The following NEDD9 variants were observed in gnomAD, a reference collection of about 807,000 sequenced individuals.
NEDD9 encodes the protein neural precursor cell expressed, developmentally down-regulated 9, also known as enhancer of filamentation 1.
In NEDD9, 26 loss-of-function variants were observed where a neutral mutation model predicts 76.6. That is an observed-to-expected ratio of 0.34 (90% CI 0.25 to 0.47). NEDD9 has a LOEUF of 0.47. Ranked by LOEUF, NEDD9 falls within the 20% of genes least tolerant of loss-of-function variation. The pLI is 1.00. For missense variants in NEDD9, 937 were observed against 1,058.5 expected (o/e 0.89, Z 1.59); for synonymous variants, 392 against 414.2 (o/e 0.95, Z 0.65).
At chr6:11,200,792 G>T in intron 2 of NEDD9, 2 of 1,432,750 alleles carry the variant, frequency 1.4e-6, no homozygotes, top group South Asian at 1.5e-5. Flanking sequence ...TCTGCTGTTC[G>T]TATCAGTATT....
At chr6:11,316,248 G>T (rs1483991177) in intron 2 of NEDD9, among the ~76,000 whole-genome samples, 2 of 152,114 alleles carry the variant, frequency 1.3e-5, no homozygotes, top group East Asian at 1.9e-4. Context: ...CCCCAGACAG[G>T]GTGCCCCACC....
At chr6:11,307,022 C>T (rs533769005) in intron 2 of NEDD9, among the ~76,000 whole-genome samples, 3 of 152,220 alleles carry the variant, frequency 2.0e-5, no homozygotes, top group South Asian at 4.1e-4. Context: ...TTAAACCACA[C>T]GGGGCACGTG....
At chr6:11,331,625 T>C (rs1344136791) in intron 2 of NEDD9, among the ~76,000 whole-genome samples, 1 of 152,132 alleles carries the variant, frequency 6.6e-6, no homozygotes. Flanking sequence ...TCTCATGAGA[T>C]TAGCATAGGA....
chr6:11,193,310 TAAAAAA>T (rs796698181), intron 3 of NEDD9, among the ~76,000 whole-genome samples: 19 of 136,660 alleles, frequency 1.4e-4, no homozygotes, highest in African/African-American at 5.1e-4. Context: ...GATTCTGTCT[TAAAAAA>T]AAAAAAAAGA....
At chr6:11,322,627 TCTCCTTCC>T (rs1761834733) in intron 2 of NEDD9, among the ~76,000 whole-genome samples, 1 of 152,286 alleles carries the variant, frequency 6.6e-6, no homozygotes, top group South Asian at 2.1e-4. Context: ...TTTTCTCTTT[TCTCCTTCC>T]CTCCTTCCCT....
At chr6:11,340,336 GTAA>G (rs938057254) in intron 1 of NEDD9, among the ~76,000 whole-genome samples, 6 of 152,208 alleles carry the variant, frequency 3.9e-5, no homozygotes, top group African/African-American at 1.4e-4. Flanking sequence ...ACAGGGTACA[GTAA>G]TAATCATCAG....
rs375821804 is a variant in NEDD9 at position 11,310,917 on chromosome 6, T to G, written c.-152-4762A>C. Among the ~76,000 whole-genome samples the G allele has an allele frequency of 1.5e-4, 23 of 152,286 alleles. 1 individual carries two copies. The East Asian group carries it at 3.7e-3, about 24-fold the overall frequency. On this transcript the variant is annotated intron_variant, in intron 2 of 3. Transcript: ENST00000397378. The stretch of plus-strand genomic sequence containing the variant: ...CTTCACATTTCAACTCATCCCTTTT[T>G]CCTTCCCTCATCCTTGTAACAATAA...
At chr6:11,250,309 T>C (rs1044920654) in intron 3 of NEDD9, among the ~76,000 whole-genome samples, 1 of 152,216 alleles carries the variant, frequency 6.6e-6, no homozygotes, top group Non-Finnish European at 1.5e-5. Flanking sequence ...AAAACCTAAA[T>C]CTAATTTGAC....
chr6:11,368,115 G>C (rs1373759085), intron 1 of NEDD9, among the ~76,000 whole-genome samples: 1 of 152,214 alleles, frequency 6.6e-6, no homozygotes, highest in African/African-American at 2.4e-5. Context: ...ACTGTGCGCA[G>C]TCTGGCCCTC....
chr6:11,378,921 G>A (rs987187885), intron 1 of NEDD9, among the ~76,000 whole-genome samples: 4 of 152,194 alleles, frequency 2.6e-5, no homozygotes, highest in African/African-American at 9.6e-5. Context: ...ACTTAGGGTG[G>A]AACTACCATA....
chr6:11,185,368 C>T lies in NEDD9; in HGVS notation c.2299G>A (p.Val767Met), dbSNP rs766643269. 1.9e-6 allele frequency: 3 copies of T among 1,614,072 alleles called. No individual in the cohort carries two copies. Among genetic ancestry groups the T allele is most frequent in the Non-Finnish European group, 2.5e-6 (3 of 1,180,044 alleles). Residue 767 changes from valine (V) to methionine (M), a missense_variant, in exon 7 of 7, where the codon GTG becomes ATG. Coordinates refer to ENST00000379446, the MANE Select transcript of NEDD9 (RefSeq NM_006403.4). Reference protein sequence around the residue: ...VFIGDTLTRQVTAQDIRNKVM... With the variant: ...VFIGDTLTRQMTAQDIRNKVM... ...TTGTTGCGAATGTCCTGGGCAGTCA[C>T]CTGCCGTGTCAGCGTGTCTCCAATG...
At chr6:11,316,069 A>G (rs1169531558) in intron 2 of NEDD9, among the ~76,000 whole-genome samples, 2 of 152,202 alleles carry the variant, frequency 1.3e-5, no homozygotes, top group African/African-American at 2.4e-5. Context: ...TCCTGGCAGA[A>G]GAGCATTGTT....
chr6:11,249,301 G>A (rs1384442639), intron 3 of NEDD9: 1 of 405,826 alleles, frequency 2.5e-6, no homozygotes, highest in Non-Finnish European at 4.9e-6. Flanking sequence ...AGTTTAAAAA[G>A]AAGTTAATTT....
At position 11,213,630 on chromosome 6, in the gene NEDD9, G is replaced by A. The variant is rs771908852; in HGVS notation, c.110C>T (p.Thr37Ile). The A allele has an allele frequency of 1.4e-5, 23 of 1,614,088 alleles. No homozygotes were observed. In the East Asian group the frequency reaches 4.9e-4, roughly 34 times the overall value. ...CAGCCACCATCCTTCCAGTCCCCCT[G>A]TGTTCTGCTCTATGACGGTCAGGAT... ...GDILTVIEQN[T>I]GGLEGWWLCS... The change falls in exon 2 of 7, where the codon ACA (threonine) becomes ATA (isoleucine). Residue 37 changes from threonine (T) to isoleucine (I), a missense_variant. Thr to Ile is a moderately conservative substitution (Grantham distance 89, BLOSUM62 -1). Transcript: ENST00000379446. The surrounding 1 kb of genome is among the most constrained non-coding windows in gnomAD (Gnocchi z 5.4).
intron 2 of NEDD9, among the ~76,000 whole-genome samples, chr6:11,333,909 A>G (rs953315819): frequency 3.3e-5 from 5 of 152,204 alleles, no homozygotes; most frequent in African/African-American, 1.2e-4. Context: ...CCTCCTTTTC[A>G]CAAGATGGAC....
chr6:11,218,495 A>G (rs1018275760), intron 1 of NEDD9, among the ~76,000 whole-genome samples: 1 of 152,000 alleles, frequency 6.6e-6, no homozygotes, highest in African/African-American at 2.4e-5. Flanking sequence ...CGATCATACT[A>G]TTTCTTTACA....
intron 3 of NEDD9, among the ~76,000 whole-genome samples, chr6:11,275,850 A>G (rs1358119106): frequency 6.6e-6 from 1 of 152,198 alleles, no homozygotes; most frequent in Non-Finnish European, 1.5e-5. Flanking sequence ...CATCTACTCA[A>G]ACTGGGGGAG....
intron 3 of NEDD9, among the ~76,000 whole-genome samples, chr6:11,270,255 G>A (rs577020544): frequency 1.9e-3 from 294 of 152,226 alleles, no homozygotes; most frequent in African/African-American, 6.6e-3. Context: ...AAGCTACAGT[G>A]TTCATTACCT....
intron 4 of NEDD9, among the ~76,000 whole-genome samples, chr6:11,191,796 C>T (rs959085205): frequency 6.6e-6 from 1 of 152,074 alleles, no homozygotes; most frequent in African/African-American, 2.4e-5. Context: ...CATTTAAGCC[C>T]ATATGTTCAA....
Sources: allele counts gnomAD v4.1 joint callset (sites outside exome capture counted in the v4.1 genomes callset), GRCh38; gene constraint gnomAD v4.1.1; non-coding constraint Gnocchi (gnomAD v3.1); transcripts MANE v1.5; gene names NCBI Gene and HGNC (gene_info 2026-07-23, HGNC 2026-07-21).